Variants in ADARB2 observed in about 807,000 individuals in gnomAD.
ADARB2 encodes adenosine deaminase RNA specific B2 (inactive).
ADARB2 carries 25 observed loss-of-function variants against 62.2 expected under a neutral mutation model. The observed-to-expected ratio is 0.40, with a 90% confidence interval of 0.29 to 0.56. The LOEUF is 0.56. Among genes scored for constraint, ADARB2 ranks in the 20% least tolerant of loss-of-function variants. The pLI, the probability that ADARB2 is intolerant of heterozygous loss-of-function variation, is 0.43. For missense variants in ADARB2, 1,071 were observed against 1,077.4 expected (o/e 0.99, Z 0.08); for synonymous variants, 572 against 500.8 (o/e 1.14, Z -1.90).
intron 1 of ADARB2, among the ~76,000 whole-genome samples, chr10:1,688,131 C>T (rs781668242): frequency 9.2e-5 from 14 of 152,228 alleles, no homozygotes; most frequent in Non-Finnish European, 1.6e-4. Flanking sequence ...GTGAGGGAGT[C>T]ACTGTGCTGA....
chr10:1,560,728 A>C (rs534827439), intron 1 of ADARB2, among the ~76,000 whole-genome samples: 2 of 152,312 alleles, frequency 1.3e-5, no homozygotes, highest in South Asian at 4.1e-4. Flanking sequence ...CAGGGTCAGG[A>C]GCCGAGGATG....
chr10:1,221,876 C>CAT (rs1453591982), intron 6 of ADARB2, among the ~76,000 whole-genome samples: 9 of 152,100 alleles, frequency 5.9e-5, no homozygotes, highest in African/African-American at 1.9e-4. Context: ...CCACAATAAA[C>CAT]ATGTGTGCAT....
intron 1 of ADARB2, among the ~76,000 whole-genome samples, chr10:1,668,286 C>CA (rs2119097108): frequency 6.6e-6 from 1 of 152,280 alleles, no homozygotes; most frequent in South Asian, 2.1e-4. Context: ...GCATGTGTTA[C>CA]AACTCATTAG....
At position 1,530,449 on chromosome 10, in the gene ADARB2, G is replaced by C. The variant is rs377065910; in HGVS notation, c.101-151289C>G. ...CCTTTCTCCAGCCTGCCAGGTCCTC[G>C]TGAGTGCGTCTCACTGAATTCTCTC... On this transcript the variant is annotated intron_variant, in intron 1 of 9. Transcript: ENST00000381312. Among the ~76,000 whole-genome samples the C allele has an allele frequency of 6.2e-4, 94 of 152,268 alleles. 2 individuals are homozygous for C. The South Asian group carries it at 0.018, about 28-fold the overall frequency.
chr10:1,367,371 GTC>G (rs1486536480), intron 2 of ADARB2, among the ~76,000 whole-genome samples: 1 of 152,154 alleles, frequency 6.6e-6, no homozygotes, highest in Non-Finnish European at 1.5e-5. Flanking sequence ...TGGCAATTAT[GTC>G]TAAAAAAGTA....
intron 3 of ADARB2, among the ~76,000 whole-genome samples, chr10:1,310,829 A>G (rs1831683411): frequency 1.3e-5 from 2 of 152,238 alleles, no homozygotes; most frequent in Non-Finnish European, 2.9e-5. Flanking sequence ...TTGTAAAGAC[A>G]AGGAGTAGTT....
intron 1 of ADARB2, among the ~76,000 whole-genome samples, chr10:1,563,527 A>G (rs1294990523): frequency 6.6e-6 from 1 of 152,192 alleles, no homozygotes; most frequent in African/African-American, 2.4e-5. Context: ...TTGAATGAAT[A>G]TAAGGCCACT....
At chr10:1,666,426 C>G (rs933969065) in intron 1 of ADARB2, among the ~76,000 whole-genome samples, 1 of 152,236 alleles carries the variant, frequency 6.6e-6, no homozygotes, top group African/African-American at 2.4e-5. Context: ...ATCCTCATGA[C>G]CAGACGCGGC....
At chr10:1,628,961 C>T (rs1182791911) in intron 1 of ADARB2, among the ~76,000 whole-genome samples, 1 of 152,158 alleles carries the variant, frequency 6.6e-6, no homozygotes, top group Non-Finnish European at 1.5e-5. Context: ...GTAGCTCCTG[C>T]GAGGGCTGGA....
chr10:1,441,023 G>A (rs1830898896), intron 1 of ADARB2, among the ~76,000 whole-genome samples: 1 of 152,178 alleles, frequency 6.6e-6, no homozygotes, highest in African/African-American at 2.4e-5. Flanking sequence ...GTTCACTGGT[G>A]GACCAGTTTC....
intron 1 of ADARB2, among the ~76,000 whole-genome samples, chr10:1,522,228 C>G (rs985309091): frequency 2.6e-5 from 4 of 152,172 alleles, no homozygotes; most frequent in African/African-American, 9.7e-5. Context: ...GAGAGCCTCA[C>G]GTTTGAAGTA....
intron 1 of ADARB2, among the ~76,000 whole-genome samples, chr10:1,601,690 G>A (rs927872924): frequency 2.0e-5 from 3 of 152,136 alleles, no homozygotes; most frequent in African/African-American, 4.8e-5. Flanking sequence ...TGGGAGAGAC[G>A]ATGTGCTCCT....
chr10:1,244,576 T>A (rs1589164026), intron 4 of ADARB2, among the ~76,000 whole-genome samples: 2 of 152,188 alleles, frequency 1.3e-5, no homozygotes, highest in Non-Finnish European at 2.9e-5. Flanking sequence ...AGTGTTTGCA[T>A]ATTCAGTTTT....
intron 1 of ADARB2, among the ~76,000 whole-genome samples, chr10:1,623,851 A>T (rs897080149): frequency 6.6e-6 from 1 of 152,226 alleles, no homozygotes; most frequent in Non-Finnish European, 1.5e-5. Flanking sequence ...AGTAGGCACT[A>T]TTATTATCAT....
At chr10:1,665,311 A>G (rs1308252913) in intron 1 of ADARB2, among the ~76,000 whole-genome samples, 1 of 152,274 alleles carries the variant, frequency 6.6e-6, no homozygotes, top group Non-Finnish European at 1.5e-5. Context: ...TTGGAAATGC[A>G]CGTGAGTGGG....
chr10:1,608,971 C>A (rs989696215), intron 1 of ADARB2, among the ~76,000 whole-genome samples: 1 of 151,924 alleles, frequency 6.6e-6, no homozygotes, highest in Non-Finnish European at 1.5e-5. Flanking sequence ...CACATTAAAC[C>A]GTGGCATCCT....
At chr10:1,316,918 G>A (rs1400893512) in intron 3 of ADARB2, among the ~76,000 whole-genome samples, 2 of 152,190 alleles carry the variant, frequency 1.3e-5, no homozygotes, top group Non-Finnish European at 2.9e-5. Context: ...TTTTGTGTGC[G>A]TGTGTCTGTG....
intron 1 of ADARB2, among the ~76,000 whole-genome samples, chr10:1,589,717 A>C (rs1833227526): frequency 6.6e-6 from 1 of 152,184 alleles, no homozygotes; most frequent in African/African-American, 2.4e-5. Flanking sequence ...TCTGTCGCCC[A>C]GTCTGGAGTG....
At chr10:1,705,094 T>C (rs1437353518) in intron 1 of ADARB2, among the ~76,000 whole-genome samples, 3 of 152,244 alleles carry the variant, frequency 2.0e-5, no homozygotes, top group Non-Finnish European at 4.4e-5. Flanking sequence ...TGTAGGTTGA[T>C]TTTTAAAATT....
Sources: allele counts gnomAD v4.1 joint callset (sites outside exome capture counted in the v4.1 genomes callset), GRCh38; gene constraint gnomAD v4.1.1; transcripts MANE v1.5; gene names NCBI Gene and HGNC (gene_info 2026-07-23, HGNC 2026-07-21).